The following SPIN1 variants were observed in gnomAD, a reference collection of about 807,000 sequenced individuals.
SPIN1 encodes the protein spindlin 1.
A neutral mutation model predicts 26.0 loss-of-function variants in SPIN1; 3 were observed. The ratio of observed to expected loss-of-function variants is 0.12; its 90% CI spans 0.05 to 0.30. SPIN1 has a LOEUF of 0.30. Ranked by LOEUF, SPIN1 falls within the 10% of genes least tolerant of loss-of-function variation. The probability of loss-of-function intolerance (pLI) is 1.00; values close to 1 mark genes in which losing one functional copy is unlikely to be tolerated. For synonymous variants in SPIN1, 101 were observed against 116.5 expected (o/e 0.87, Z 0.86); for missense variants, 126 against 333.4 (o/e 0.38, Z 4.84).
At chr9:88,434,025 AACT>A (rs1827943339) in intron 2 of SPIN1, among the ~76,000 whole-genome samples, 1 of 152,266 alleles carries the variant, frequency 6.6e-6, no homozygotes, top group South Asian at 2.1e-4. Context: ...GTTAAGTGAG[AACT>A]CAAGGGGAGG....
chr9:88,473,064 C>T (rs1484850504), intron 5 of SPIN1, among the ~76,000 whole-genome samples: 1 of 152,134 alleles, frequency 6.6e-6, no homozygotes, highest in African/African-American at 2.4e-5. Context: ...ATTTCCTCAT[C>T]TGGCCTTGAA....
chr9:88,415,150 C>T (rs1373836935), intron 1 of SPIN1, among the ~76,000 whole-genome samples: 53 of 152,134 alleles, frequency 3.5e-4, no homozygotes, highest in Admixed American at 2.6e-3. Flanking sequence ...GTGATCCGCC[C>T]GCCTCAGCCT....
At chr9:88,474,035 T>C (rs1828843841) in intron 5 of SPIN1, among the ~76,000 whole-genome samples, 1 of 152,248 alleles carries the variant, frequency 6.6e-6, no homozygotes, top group Non-Finnish European at 1.5e-5. Context: ...AGTGAGAGAA[T>C]TTATTGTAAC....
At chr9:88,434,364 AATAGTTTATTTTATAAATTATAAAAT>A (rs2118060689) in intron 2 of SPIN1, among the ~76,000 whole-genome samples, 1 of 135,464 alleles carries the variant, frequency 7.4e-6, no homozygotes, top group African/African-American at 3.7e-5. Flanking sequence ...TAAATTATAA[AATAGTTTATTTTATAAATTATAAAAT>A]AGTTTATTTT....
chr9:88,443,144 A>C (rs373411064), intron 2 of SPIN1, among the ~76,000 whole-genome samples: 17 of 151,454 alleles, frequency 1.1e-4, no homozygotes, highest in South Asian at 4.2e-4. Context: ...ACAAAAAAAA[A>C]CTCAGTCTTT....
rs1034311077 is a variant in SPIN1, at chr9:88,436,754, C to A, written c.52+10163C>A. ...ATATGCACATAAATTTCCTCTGTGTCTTTTTTTTTTTTTTTTTTTTTTTTT... is the reference window on the plus strand; with the variant it reads ...ATATGCACATAAATTTCCTCTGTGTATTTTTTTTTTTTTTTTTTTTTTTTT... On this transcript the variant is annotated intron_variant, in intron 2 of 5. Coordinates refer to ENST00000375859, the MANE Select transcript of SPIN1 (RefSeq NM_006717.3). Among the ~76,000 whole-genome samples the A allele has an allele frequency of 6.1e-5, 6 of 98,794 alleles. No individual in the cohort carries two copies. In the Admixed American group the frequency reaches 6.5e-4, roughly 11 times the overall value. 64.8% of individuals were successfully genotyped at this position (98,794 alleles called of 152,430 possible).
intron 2 of SPIN1, among the ~76,000 whole-genome samples, chr9:88,443,830 G>A (rs1482905049): frequency 6.6e-6 from 1 of 152,176 alleles, no homozygotes; most frequent in Non-Finnish European, 1.5e-5. Flanking sequence ...TGTGGGACAG[G>A]ATGGCTTGAT....
intron 5 of SPIN1, among the ~76,000 whole-genome samples, chr9:88,470,982 C>T (rs1387952542): frequency 6.6e-6 from 1 of 152,186 alleles, no homozygotes; most frequent in Non-Finnish European, 1.5e-5. Context: ...TTCATTATTG[C>T]ATTGTGACAA....
Position 88,475,073 on chromosome 9 carries a change from T to G in SPIN1, c.590-5T>G. ...TTTTTTTTTTTTTTTTTTTTTTTAA[T>G]ATAGATGATTCACCTCCAGCAGAAA... On this transcript the variant is annotated splice_polypyrimidine_tract_variant and splice_region_variant and intron_variant, in intron 5 of 5. Transcript: ENST00000375859. 7.7e-7 allele frequency: 1 copy of G among 1,296,750 alleles called. No homozygotes were observed. Among genetic ancestry groups the G allele is most frequent in the Non-Finnish European group, 1.1e-6 (1 of 949,534 alleles). The allele number at this position is 1,296,750 out of a possible 1,614,324, so 80.3% of individuals were successfully genotyped here. A position where few individuals can be genotyped will look rare whatever the true frequency, so the allele number is the denominator to read the frequency against.
chr9:88,460,714 C>A (rs775617542), intron 3 of SPIN1, among the ~76,000 whole-genome samples: 2 of 152,158 alleles, frequency 1.3e-5, no homozygotes, highest in African/African-American at 2.4e-5. Flanking sequence ...ATTCCTCCCT[C>A]CTCTACCTTT....
Position 88,476,140 on chromosome 9 carries a change from C to T in SPIN1, c.*863C>T, listed in dbSNP as rs1193421172. The T allele has an allele frequency of 6.6e-6, 1 of 151,532 alleles. No individual in the cohort carries two copies. Among genetic ancestry groups the T allele is most frequent in the Admixed American group, 6.6e-5 (1 of 15,192 alleles). The allele number at this position is 151,532 out of a possible 1,614,324, so 9.4% of individuals were successfully genotyped here. A position where few individuals can be genotyped will look rare whatever the true frequency, so the allele number is the denominator to read the frequency against. On this transcript the variant is annotated 3_prime_UTR_variant, in exon 6 of 6. Transcript: ENST00000375859. ...TTTTTGCAAAGCCCAGGTTCTTGTT[C>T]CACACAGTGTAATGTAGGTGTATTT...
chr9:88,451,354 G>A (rs1321747384), intron 3 of SPIN1, among the ~76,000 whole-genome samples: 2 of 152,156 alleles, frequency 1.3e-5, no homozygotes, highest in Non-Finnish European at 2.9e-5. Flanking sequence ...TGTTAGGAAG[G>A]TTCAAGGAGT....
chr9:88,467,858 C>CAA (rs201593243), intron 4 of SPIN1, among the ~76,000 whole-genome samples: 8 of 113,204 alleles, frequency 7.1e-5, no homozygotes, highest in African/African-American at 1.4e-4. Context: ...AAAAAAAAAA[C>CAA]AAAAAAAAAA....
intron 2 of SPIN1, among the ~76,000 whole-genome samples, chr9:88,436,101 A>C (rs1827993693): frequency 6.6e-6 from 1 of 152,068 alleles, no homozygotes; most frequent in Admixed American, 6.6e-5. Flanking sequence ...TTTCTAGCCC[A>C]GTTTTGTTTG....
intron 1 of SPIN1, among the ~76,000 whole-genome samples, chr9:88,397,206 T>A (rs923735718): frequency 3.6e-4 from 55 of 152,176 alleles, no homozygotes; most frequent in Non-Finnish European, 2.4e-4. Flanking sequence ...AACTTTTTTT[T>A]AAACTTTCTG....
chr9:88,423,828 T>A (rs1487424298), intron 1 of SPIN1, among the ~76,000 whole-genome samples: 1 of 151,540 alleles, frequency 6.6e-6, no homozygotes, highest in African/African-American at 2.4e-5. Flanking sequence ...TGCAGTGGTG[T>A]GATCTTGGCT....
At chr9:88,394,587 T>C (rs368337060) in intron 1 of SPIN1, among the ~76,000 whole-genome samples, 1 of 152,310 alleles carries the variant, frequency 6.6e-6, no homozygotes, top group South Asian at 2.1e-4. Context: ...TCTTACAGTA[T>C]AAATGTAGTT....
intron 5 of SPIN1, among the ~76,000 whole-genome samples, chr9:88,474,770 GA>G (rs1458074984): frequency 1.3e-5 from 2 of 152,106 alleles, no homozygotes; most frequent in Middle Eastern, 3.4e-3. Flanking sequence ...GGCAAACTAT[GA>G]AAAAAAGTTT....
At chr9:88,390,737 G>A (rs1317631757) in intron 1 of SPIN1, among the ~76,000 whole-genome samples, 4 of 152,170 alleles carry the variant, frequency 2.6e-5, no homozygotes, top group African/African-American at 4.8e-5. Context: ...ACAATATTCT[G>A]GAGTTAGACA....
Sources: allele counts gnomAD v4.1 joint callset (sites outside exome capture counted in the v4.1 genomes callset), GRCh38; gene constraint gnomAD v4.1.1; transcripts MANE v1.5; gene names NCBI Gene and HGNC (gene_info 2026-07-23, HGNC 2026-07-21).